The following AGK variants were observed in gnomAD, a reference collection of about 807,000 sequenced individuals.
AGK encodes the protein acylglycerol kinase, mitochondrial.
In AGK, 52 loss-of-function variants were observed where a neutral mutation model predicts 66.4. The observed-to-expected ratio is 0.78, with a 90% CI of 0.63 to 0.99. AGK has a LOEUF of 0.99. Ranked by LOEUF, AGK falls within the 50% of genes least tolerant of loss-of-function variation. The pLI is 0.00. For synonymous variants in AGK, 182 were observed against 181.1 expected, an observed-to-expected ratio of 1.00 and a Z score of -0.04; for missense variants, 451 against 506.6, an observed-to-expected ratio of 0.89 and a Z score of 1.05.
At chr7:141,575,067 G>A (rs1290883404) in intron 2 of AGK, among the ~76,000 whole-genome samples, 1 of 152,192 alleles carries the variant, frequency 6.6e-6, no homozygotes, top group East Asian at 1.9e-4. Flanking sequence ...CCACTTGCAG[G>A]GAAGAAAAAT....
At chr7:141,629,679 G>T (rs1216356525) in intron 9 of AGK, among the ~76,000 whole-genome samples, 1 of 152,050 alleles carries the variant, frequency 6.6e-6, no homozygotes, top group East Asian at 1.9e-4. Flanking sequence ...CTGTTGTCCA[G>T]AGCCATTCTC....
At chr7:141,591,273 A>C (rs1241692882) in intron 2 of AGK, among the ~76,000 whole-genome samples, 1 of 151,698 alleles carries the variant, frequency 6.6e-6, no homozygotes, top group African/African-American at 2.4e-5. Flanking sequence ...TTATATTTTT[A>C]GTAGAGACGG....
At position 141,626,182 on chromosome 7, in the gene AGK, A is replaced by T. The variant is rs568843542; in HGVS notation, c.588+4381A>T. On this transcript the variant is annotated intron_variant, in intron 9 of 15. Transcript: ENST00000649286. Reference sequence around the variant, plus strand: ...AAAGCTGATGGAGATATCACAAAAGATGTAGCCTGCAGGTGTCCTACTCGC... The same window carrying T: ...AAAGCTGATGGAGATATCACAAAAGTTGTAGCCTGCAGGTGTCCTACTCGC... Among the ~76,000 whole-genome samples, 6 of 152,302 alleles carry T rather than the reference A, an allele frequency of 3.9e-5. No individual in the cohort carries two copies. The South Asian group carries it at 1.0e-3, about 26-fold the overall frequency.
At chr7:141,584,588 TA>T (rs1421776287) in intron 2 of AGK, among the ~76,000 whole-genome samples, 5 of 152,230 alleles carry the variant, frequency 3.3e-5, no homozygotes, top group Admixed American at 6.5e-5. Flanking sequence ...CTTGGCAAAA[TA>T]AACTTTCTAC....
At chr7:141,623,381 AAAAAAAAAAAAGAAAAAAAAAAGAAAG>A (rs1260144512) in intron 9 of AGK, among the ~76,000 whole-genome samples, 1 of 127,490 alleles carries the variant, frequency 7.8e-6, no homozygotes, top group Non-Finnish European at 1.6e-5. Flanking sequence ...CTTTTTCTCA[AAAAAAAAAAAAGAAAAAAAAAAGAAAG>A]AAAAAAAAAA....
At chr7:141,648,884 T>C (rs773069275) in intron 13 of AGK, among the ~76,000 whole-genome samples, 3 of 152,168 alleles carry the variant, frequency 2.0e-5, no homozygotes, top group Non-Finnish European at 2.9e-5. Context: ...GTGAAGCTCA[T>C]GTACAGTGAA....
At chr7:141,584,246 C>T (rs537234354) in intron 2 of AGK, among the ~76,000 whole-genome samples, 1 of 152,098 alleles carries the variant, frequency 6.6e-6, no homozygotes, top group East Asian at 1.9e-4. Context: ...GTGAGGGTCA[C>T]AAGGTGTTCA....
At chr7:141,651,389 A>C in intron 14 of AGK, 136 bp from the exon 15 acceptor site, 1 of 699,522 alleles carries the variant, frequency 1.4e-6, no homozygotes, top group Non-Finnish European at 2.5e-6. Flanking sequence ...AAAATTATTT[A>C]CAGAATTCTA....
chr7:141,574,943 G>C (rs563086734), intron 2 of AGK, among the ~76,000 whole-genome samples: 1 of 152,162 alleles, frequency 6.6e-6, no homozygotes, highest in Non-Finnish European at 1.5e-5. Context: ...AGGTTATTTA[G>C]GTTATTTTAG....
Position 141,648,028 on chromosome 7 carries a change from CTACAG to C in AGK, c.976-1233_976-1229del, listed in dbSNP as rs554866251. Among the ~76,000 whole-genome samples the C allele has an allele frequency of 1.1e-4, 16 of 152,342 alleles. No homozygotes were observed. The East Asian group carries it at 2.9e-3, about 28-fold the overall frequency. ...AACCAGAGTCTGAATGTTACCTGCT[CTACAG>C]TGGCACCTGCTAAAGTTTGAGAACC... is the stretch of plus-strand genomic sequence containing the variant. On this transcript the variant is annotated intron_variant, in intron 13 of 15. Transcript: ENST00000649286.
rs1796787544 is a variant in AGK, at chr7:141,619,880, C to T, written c.519-1852C>T. ...TGAAGATATATGTCCGTACAAAAAC[C>T]TGTACATGAATATTTATAGTAGCTT... is the stretch of plus-strand genomic sequence containing the variant. On this transcript the variant is annotated intron_variant, in intron 8 of 15. Transcript: ENST00000649286. Among the ~76,000 whole-genome samples, 3 of 152,130 alleles carry T rather than the reference C, an allele frequency of 2.0e-5. No homozygotes were observed. The South Asian group carries it at 6.2e-4, about 31-fold the overall frequency.
chr7:141,641,991 AT>A, intron 13 of AGK, 83 bp downstream of exon 13: 2 of 1,182,154 alleles, frequency 1.7e-6, no homozygotes, highest in African/African-American at 1.5e-5. Flanking sequence ...TAATTCAGTT[AT>A]TTTTATTTTT....
chr7:141,591,794 G>A (rs1351066426), intron 2 of AGK, among the ~76,000 whole-genome samples: 5 of 152,164 alleles, frequency 3.3e-5, no homozygotes, highest in Admixed American at 3.3e-4. Flanking sequence ...TATCTTAGCA[G>A]TGCCAGCAAT....
chr7:141,638,076 G>T (rs1797212093), intron 11 of AGK, among the ~76,000 whole-genome samples: 1 of 152,154 alleles, frequency 6.6e-6, no homozygotes. Flanking sequence ...TATTTATTCA[G>T]CAAACAATAG....
chr7:141,592,893 G>A (rs1796153173), intron 2 of AGK, among the ~76,000 whole-genome samples: 1 of 150,834 alleles, frequency 6.6e-6, no homozygotes, highest in Non-Finnish European at 1.5e-5. Flanking sequence ...TGGTAGAGAG[G>A]AGGTTTCACC....
At chr7:141,609,796 C>T (rs1796541431) in intron 5 of AGK, among the ~76,000 whole-genome samples, 1 of 152,140 alleles carries the variant, frequency 6.6e-6, no homozygotes, top group Non-Finnish European at 1.5e-5. Context: ...CAGGGGCCCA[C>T]CAATCACCTC....
At chr7:141,605,499 T>C (rs550169706) in intron 5 of AGK, among the ~76,000 whole-genome samples, 5 of 152,350 alleles carry the variant, frequency 3.3e-5, no homozygotes, top group African/African-American at 1.2e-4. Context: ...GAACATTTAC[T>C]GCATAGGTGC....
rs1795246403 is a variant in AGK at position 141,557,898 on chromosome 7, C to T, written c.101+2331C>T. The stretch of plus-strand genomic sequence containing the variant: ...TTCACCTTAACCATTTGTAAATCTG[C>T]AGTTCGATGGTGTTAAGTATATTCA... On this transcript the variant is annotated intron_variant, in intron 2 of 15. Transcript: ENST00000649286. Among the ~76,000 whole-genome samples the T allele has an allele frequency of 2.0e-5, 3 of 152,178 alleles. No homozygotes were observed. The South Asian group carries it at 6.2e-4, about 32-fold the overall frequency.
rs766827666 is a variant in AGK at position 141,598,171 on chromosome 7, G to A, written c.221+1530G>A. 9.2e-5 allele frequency among the ~76,000 whole-genome samples: 14 copies of A among 152,082 alleles called. No individual in the cohort carries two copies. Among genetic ancestry groups the A allele is most frequent in the Non-Finnish European group, 1.9e-4 (13 of 68,018 alleles). The stretch of plus-strand genomic sequence containing the variant: ...TGCTTTATTTCTTTGTAATTCAGTG[G>A]TTTAATTCAGATTGTCTAAACAGAC... On this transcript the variant is annotated intron_variant, in intron 4 of 15. Transcript: ENST00000649286. The surrounding 1 kb of genome is among the most constrained non-coding windows in gnomAD (Gnocchi z 4.2).
Sources: allele counts gnomAD v4.1 joint callset (sites outside exome capture counted in the v4.1 genomes callset), GRCh38; gene constraint gnomAD v4.1.1; non-coding constraint Gnocchi (gnomAD v3.1); transcripts MANE v1.5; gene names NCBI Gene and HGNC (gene_info 2026-07-23, HGNC 2026-07-21).